The following GPHN variants were observed in gnomAD, a reference collection of about 807,000 sequenced individuals.
The protein encoded by GPHN is gephyrin.
Under a neutral mutation model 95.5 loss-of-function variants are expected in GPHN, and 17 were observed. The observed-to-expected ratio is 0.18, with a 90% CI of 0.12 to 0.27. The LOEUF is 0.27. GPHN is among the 10% of genes least tolerant of loss of function. GPHN has a pLI of 1.00. For synonymous variants in GPHN, 320 were observed against 322.5 expected, an observed-to-expected ratio of 0.99 and a Z score of 0.08; for missense variants, 660 against 978.1, an observed-to-expected ratio of 0.67 and a Z score of 4.34.
At chr14:67,507,634 T>G in the GPHN span, among the ~76,000 whole-genome samples, 1 of 152,052 alleles carries the variant, frequency 6.6e-6, no homozygotes, top group Non-Finnish European at 1.5e-5. Context: ...AAAGACAAGG[T>G]CTCACTGTGT....
At chr14:67,468,490 G>A in the GPHN span, among the ~76,000 whole-genome samples, 2 of 152,242 alleles carry the variant, frequency 1.3e-5, no homozygotes, top group South Asian at 2.1e-4. Flanking sequence ...TTCAGAAGAC[G>A]TGGATGAAGT....
the GPHN span, among the ~76,000 whole-genome samples, chr14:67,515,766 G>A: frequency 6.6e-6 from 1 of 152,208 alleles, no homozygotes; most frequent in South Asian, 2.1e-4. Flanking sequence ...GGGTACCATT[G>A]CAGGCCCGGG....
chr14:66,759,332 C>T (rs2058679833), intron 2 of GPHN, among the ~76,000 whole-genome samples: 1 of 152,122 alleles, frequency 6.6e-6, no homozygotes, highest in Non-Finnish European at 1.5e-5. Flanking sequence ...GGTATGAGGC[C>T]AGTTTTCCCA....
chr14:67,600,108 G>T, the GPHN span: 4 of 1,597,286 alleles, frequency 2.5e-6, no homozygotes, highest in Non-Finnish European at 3.4e-6. Context: ...GCCGAGGGCA[G>T]CTGAGGCAGA....
chr14:67,731,744 A>C, the GPHN span, among the ~76,000 whole-genome samples: 2 of 152,200 alleles, frequency 1.3e-5, no homozygotes, highest in Non-Finnish European at 2.9e-5. Flanking sequence ...GCCACTGGGC[A>C]GTAGTGGTTA....
chr14:67,577,310 C>T, the GPHN span: 1 of 1,566,238 alleles, frequency 6.4e-7, no homozygotes, highest in East Asian at 2.4e-5. Flanking sequence ...AGATTCGCCG[C>T]TCTGGAGGCA....
At chr14:67,301,188 T>C in the GPHN span, among the ~76,000 whole-genome samples, 6 of 152,252 alleles carry the variant, frequency 3.9e-5, no homozygotes, top group African/African-American at 1.2e-4. Flanking sequence ...CAAAATATTA[T>C]TTAGTGTTTT....
At chr14:67,259,385 C>T in the GPHN span, among the ~76,000 whole-genome samples, 5 of 151,656 alleles carry the variant, frequency 3.3e-5, no homozygotes, top group Admixed American at 2.0e-4. Context: ...CCAAGGCAGG[C>T]GGATCACTTG....
the GPHN span, among the ~76,000 whole-genome samples, chr14:67,599,764 T>C: frequency 6.6e-6 from 1 of 152,156 alleles, no homozygotes; most frequent in African/African-American, 2.4e-5. Flanking sequence ...AAGAACTAGA[T>C]GTATGCTGAG....
the GPHN span, chr14:67,350,829 A>G: frequency 2.7e-4 from 209 of 769,714 alleles, no homozygotes; most frequent in Admixed American, 2.9e-4. Context: ...CGACAAACAG[A>G]AATTTCCAAT....
chr14:67,151,845 T>C lies in GPHN; in HGVS notation c.1837-7570T>C, dbSNP rs146187114. ...TTTTAGTAGAGATGCTGTTTCACCA[T>C]GTTGGCCAAGCTGGTCTCGAACTCC... On this transcript the variant is annotated intron_variant, in intron 18 of 22. Coordinates refer to ENST00000478722, the MANE Select transcript of GPHN (RefSeq NM_020806.5). Among the ~76,000 whole-genome samples the C allele has an allele frequency of 2.1e-3, 318 of 152,266 alleles. 1 individual carries two copies. Among genetic ancestry groups the C allele is most frequent in the African/African-American group, 7.2e-3 (299 of 41,546 alleles).
chr14:67,041,607 C>A (rs778328978), intron 10 of GPHN, among the ~76,000 whole-genome samples: 4 of 152,090 alleles, frequency 2.6e-5, no homozygotes, highest in Non-Finnish European at 4.4e-5. Context: ...TTTCTTAATC[C>A]AGTGTATCAT....
the GPHN span, among the ~76,000 whole-genome samples, chr14:67,430,312 G>A: frequency 6.6e-6 from 1 of 152,164 alleles, no homozygotes; most frequent in Non-Finnish European, 1.5e-5. Flanking sequence ...AATAACATAC[G>A]GGCCTAGGGA....
chr14:66,535,434 T>G (rs1187358797), intron 1 of GPHN, among the ~76,000 whole-genome samples: 2 of 152,102 alleles, frequency 1.3e-5, no homozygotes, highest in Admixed American at 6.5e-5. Context: ...ACATTTTTTT[T>G]TGTGGTGGGT....
At chr14:66,969,122 T>C (rs2069558907) in intron 9 of GPHN, 1 of 152,154 alleles carries the variant, frequency 6.6e-6, no homozygotes, top group Non-Finnish European at 1.5e-5. Context: ...AGCAAATTTG[T>C]TTGCTGAAAT....
chr14:67,645,614 G>A, the GPHN span: 2 of 1,603,154 alleles, frequency 1.2e-6, no homozygotes, highest in South Asian at 1.1e-5. Flanking sequence ...CAAGCAGAGG[G>A]CCTTCAAGAT....
intron 21 of GPHN, among the ~76,000 whole-genome samples, chr14:67,171,752 A>T (rs1260203070): frequency 1.3e-5 from 2 of 152,180 alleles, no homozygotes; most frequent in South Asian, 4.1e-4. Flanking sequence ...GAGTAACAGA[A>T]ACCCTGGTGA....
At chr14:66,907,658 C>T (rs908316526) in intron 5 of GPHN, among the ~76,000 whole-genome samples, 2 of 151,938 alleles carry the variant, frequency 1.3e-5, no homozygotes, top group African/African-American at 2.4e-5. Context: ...CTCATGGAAG[C>T]GGGTGGAGGG....
At chr14:67,304,565 A>G in the GPHN span, among the ~76,000 whole-genome samples, 1 of 152,256 alleles carries the variant, frequency 6.6e-6, no homozygotes, top group African/African-American at 2.4e-5. Flanking sequence ...TGGTTCATTT[A>G]TATAAAATGT....
Sources: gnomAD v4.1 joint callset for allele counts (sites outside exome capture counted in the v4.1 genomes callset) on GRCh38, gnomAD v4.1.1 for gene constraint, MANE v1.5 for transcripts, NCBI Gene and HGNC (gene_info 2026-07-23, HGNC 2026-07-21) for gene names.